Variants in CNTN1 observed in about 807,000 individuals in gnomAD.
CNTN1 encodes contactin 1.
CNTN1 carries 38 observed loss-of-function variants against 126.4 expected under a neutral mutation model. The observed-to-expected ratio is 0.30, with a 90% CI of 0.23 to 0.39. The LOEUF (loss-of-function observed/expected upper bound fraction) is 0.39. Among genes scored for constraint, CNTN1 ranks in the 10% least tolerant of loss-of-function variants. The pLI is 1.00. For synonymous variants in CNTN1, 413 were observed against 422.6 expected, an observed-to-expected ratio of 0.98 and a Z score of 0.28; for missense variants, 1,009 against 1,248.4, an observed-to-expected ratio of 0.81 and a Z score of 2.89.
intron 1 of CNTN1, among the ~76,000 whole-genome samples, chr12:40,769,972 A>C (rs764042182): frequency 1.6e-4 from 25 of 152,172 alleles, no homozygotes; most frequent in Admixed American, 4.6e-4. Flanking sequence ...GGGCCTATGA[A>C]CTCTGTTGCA....
intron 15 of CNTN1, chr12:40,971,462 C>T: frequency 6.3e-7 from 1 of 1,596,856 alleles, no homozygotes; most frequent in Non-Finnish European, 8.5e-7. Flanking sequence ...GAGAGAAAAA[C>T]ATGGTGGATT....
Position 40,954,336 on chromosome 12 carries a change from GTTTAT to G in CNTN1, c.1684-4768_1684-4764del, listed in dbSNP as rs141571349. 2.8e-3 allele frequency among the ~76,000 whole-genome samples: 427 copies of G among 151,824 alleles called. 3 individuals carry two copies. Among genetic ancestry groups the G allele is most frequent in the Non-Finnish European group, 5.0e-3 (338 of 67,886 alleles). ...ACAGTCTATTTAACAAATATGTAAT[GTTTAT>G]TTTATTTTACAATAATTATTTTATA... On this transcript the variant is annotated intron_variant, in intron 14 of 23. Coordinates refer to ENST00000551295, the MANE Select transcript of CNTN1 (RefSeq NM_001843.4).
Position 40,926,157 on chromosome 12 carries a change from A to C in CNTN1, c.496+1505A>C, listed in dbSNP as rs1369925871. ...ATGGCTAAAAGACATGCCATGTTAG[A>C]TATTGCTAAATAAGGATAGATAGAT... is the stretch of plus-strand genomic sequence containing the variant. On this transcript the variant is annotated intron_variant, in intron 6 of 23. Transcript: ENST00000551295. Among the ~76,000 whole-genome samples, 8 of 147,092 alleles carry C rather than the reference A, an allele frequency of 5.4e-5. No homozygotes were observed. In the South Asian group the frequency reaches 1.5e-3, roughly 28 times the overall value.
intron 1 of CNTN1, among the ~76,000 whole-genome samples, chr12:40,772,063 C>T (rs970938163): frequency 1.5e-4 from 23 of 151,872 alleles, no homozygotes; most frequent in Non-Finnish European, 2.5e-4. Context: ...ATCTGGTTAT[C>T]CAGATACTGG....
At chr12:41,057,353 C>G (rs867453508) in intron 23 of CNTN1, among the ~76,000 whole-genome samples, 1 of 151,092 alleles carries the variant, frequency 6.6e-6, no homozygotes, top group Admixed American at 6.6e-5. Context: ...AGACCATGAT[C>G]ACTACAAAAA....
intron 23 of CNTN1, among the ~76,000 whole-genome samples, chr12:41,053,425 CTAAATATATATATATATATATATATATA>C (rs1949730153): frequency 2.8e-5 from 1 of 35,856 alleles, no homozygotes; most frequent in African/African-American, 1.9e-4. Flanking sequence ...CATGTTTTCA[CTAAATATATATATATATATATATATATA>C]TATATATATA....
intron 23 of CNTN1, among the ~76,000 whole-genome samples, chr12:41,056,642 G>A (rs1451464060): frequency 2.0e-5 from 3 of 151,910 alleles, no homozygotes; most frequent in Non-Finnish European, 4.4e-5. Flanking sequence ...GAGAGGACCT[G>A]ACATAGCTTC....
intron 3 of CNTN1, among the ~76,000 whole-genome samples, chr12:40,914,466 A>G (rs756060253): frequency 1.3e-5 from 2 of 152,160 alleles, no homozygotes; most frequent in Non-Finnish European, 2.9e-5. Flanking sequence ...AATAAAATAT[A>G]TACAGTAATT....
chr12:40,996,549 AATTT>A (rs946505096), intron 17 of CNTN1, among the ~76,000 whole-genome samples: 7 of 152,272 alleles, frequency 4.6e-5, no homozygotes, highest in East Asian at 3.9e-4. Flanking sequence ...TGCTCAATAA[AATTT>A]ATTTATTATG....
intron 1 of CNTN1, among the ~76,000 whole-genome samples, chr12:40,784,237 T>C (rs1017159816): frequency 3.3e-5 from 5 of 152,158 alleles, no homozygotes; most frequent in African/African-American, 1.2e-4. Flanking sequence ...AATATATTTT[T>C]AGAAAGTGGG....
chr12:40,834,547 A>G (rs1335932776), intron 1 of CNTN1, among the ~76,000 whole-genome samples: 1 of 152,158 alleles, frequency 6.6e-6, no homozygotes, highest in Non-Finnish European at 1.5e-5. Flanking sequence ...GGAAGATGAT[A>G]TATCAGTTGG....
intron 1 of CNTN1, among the ~76,000 whole-genome samples, chr12:40,838,288 GC>G (rs1386061953): frequency 1.3e-5 from 2 of 152,030 alleles, no homozygotes; most frequent in African/African-American, 4.8e-5. Flanking sequence ...CTGGAAATGG[GC>G]CCGCCTAGCC....
chr12:40,983,171 A>AT (rs1486054351), intron 16 of CNTN1, among the ~76,000 whole-genome samples: 1 of 152,140 alleles, frequency 6.6e-6, no homozygotes, highest in Non-Finnish European at 1.5e-5. Context: ...TATTTCCATT[A>AT]TATATCTTTT....
At chr12:40,763,839 T>C (rs951961054) in intron 1 of CNTN1, among the ~76,000 whole-genome samples, 1 of 152,206 alleles carries the variant, frequency 6.6e-6, no homozygotes, top group African/African-American at 2.4e-5. Flanking sequence ...TATTTCCCAC[T>C]CAATGGTCTG....
rs546792897 is a variant in CNTN1 at position 40,850,341 on chromosome 12, G to T, written c.-76-58016G>T. 7.2e-5 allele frequency among the ~76,000 whole-genome samples: 11 copies of T among 152,054 alleles called. No individual in the cohort carries two copies. In the South Asian group the frequency reaches 2.1e-3, roughly 29 times the overall value. ...GCCACAGTTATTTTTTCTTTCTCTT[G>T]ATTTTTCAGATATGAATTTGAATTG... On this transcript the variant is annotated intron_variant, in intron 1 of 23. Transcript: ENST00000551295.
chr12:40,773,452 A>G (rs1293904748), intron 1 of CNTN1, among the ~76,000 whole-genome samples: 2 of 151,490 alleles, frequency 1.3e-5, no homozygotes, highest in Non-Finnish European at 3.0e-5. Context: ...GTGTAAACCT[A>G]GGAAATGATT....
At chr12:40,745,069 A>G (rs918282972) in intron 1 of CNTN1, among the ~76,000 whole-genome samples, 2 of 152,148 alleles carry the variant, frequency 1.3e-5, no homozygotes, top group African/African-American at 4.8e-5. Flanking sequence ...TTTAGCAGCT[A>G]TAAAAAGCCC....
At chr12:41,064,682 A>G (rs1458023415) in intron 23 of CNTN1, among the ~76,000 whole-genome samples, 2 of 152,112 alleles carry the variant, frequency 1.3e-5, no homozygotes, top group Non-Finnish European at 2.9e-5. Flanking sequence ...TCTTAAACCC[A>G]TCTTTGAGTA....
rs138806424 is a variant in CNTN1 at position 40,959,847 on chromosome 12, C to T, written c.1804+613C>T. Among the ~76,000 whole-genome samples, 371 of 152,220 alleles carry T rather than the reference C, an allele frequency of 2.4e-3. 1 individual carries two copies. Among genetic ancestry groups the T allele is most frequent in the African/African-American group, 8.6e-3 (359 of 41,568 alleles). ...AGCACACCTTGTTTAAAATAAAGAG[C>T]TGGCTCTTCACTGACTGCCCTTTAG... On this transcript the variant is annotated intron_variant, in intron 15 of 23. Transcript: ENST00000551295.
Sources: gnomAD v4.1 joint callset for allele counts (sites outside exome capture counted in the v4.1 genomes callset) on GRCh38, gnomAD v4.1.1 for gene constraint, MANE v1.5 for transcripts, NCBI Gene and HGNC (gene_info 2026-07-23, HGNC 2026-07-21) for gene names.